Variants in DROSHA observed in about 807,000 individuals in gnomAD.
The protein encoded by DROSHA is drosha ribonuclease III, also known as ribonuclease 3.
In DROSHA, 56 loss-of-function variants were observed where a neutral mutation model predicts 181.9. That is an observed-to-expected ratio of 0.31 (90% CI 0.25 to 0.38). The LOEUF is 0.38. Among genes scored for constraint, DROSHA ranks in the 10% least tolerant of loss-of-function variants. DROSHA has a pLI of 1.00. For synonymous variants in DROSHA, 524 were observed against 591.2 expected (o/e 0.89, Z 1.65); for missense variants, 1,218 against 1,743.5 (o/e 0.70, Z 5.37).
At chr5:31,418,345 G>A (rs1392135642) in intron 30 of DROSHA, among the ~76,000 whole-genome samples, 6 of 152,068 alleles carry the variant, frequency 3.9e-5, no homozygotes, top group Non-Finnish European at 8.8e-5. Context: ...GAGTGCAGTG[G>A]TGCAACCACA....
intron 35 of DROSHA, among the ~76,000 whole-genome samples, chr5:31,403,930 T>C (rs1490473793): frequency 6.6e-6 from 1 of 152,184 alleles, no homozygotes; most frequent in Non-Finnish European, 1.5e-5. Flanking sequence ...TCTCATGGTA[T>C]AAACTTTTTT....
rs548896752 is a variant in DROSHA, at chr5:31,477,071, G to A, written c.2072-4839C>T. ...GTAAGCTAAGGTTAGCAGGAATTCC[G>A]CCAACTCTGGGACTGGAACTGTGAC... is the stretch of plus-strand genomic sequence containing the variant. On this transcript the variant is annotated intron_variant, in intron 16 of 35. Transcript: ENST00000344624. Among the ~76,000 whole-genome samples, 31 of 152,262 alleles carry A rather than the reference G, an allele frequency of 2.0e-4. 1 individual carries two copies. In the South Asian group the frequency reaches 5.0e-3, roughly 24 times the overall value.
At chr5:31,440,097 G>A (rs1013991387) in intron 23 of DROSHA, among the ~76,000 whole-genome samples, 11 of 151,852 alleles carry the variant, frequency 7.2e-5, no homozygotes, top group African/African-American at 2.4e-4. Flanking sequence ...AGTCCATGTT[G>A]ATCAACCTGC....
intron 16 of DROSHA, among the ~76,000 whole-genome samples, chr5:31,473,517 G>C (rs1749989145): frequency 6.6e-6 from 1 of 151,874 alleles, no homozygotes; most frequent in Admixed American, 6.6e-5. Context: ...CACCGTTCTA[G>C]GCCCTGAGAA....
At chr5:31,451,733 C>G (rs1747065708) in intron 20 of DROSHA, 93 bp from the exon 21 acceptor site, 1 of 1,018,184 alleles carries the variant, frequency 9.8e-7, no homozygotes, top group Admixed American at 2.2e-5. Context: ...TTTTCACATT[C>G]CAAATTCCAT....
Position 31,482,629 on chromosome 5 carries a change from G to A in DROSHA, c.2071+925C>T, listed in dbSNP as rs78876637. On this transcript the variant is annotated intron_variant, in intron 16 of 35. Coordinates refer to ENST00000344624, the MANE Select transcript of DROSHA (RefSeq NM_001382508.1). ...TATAGCTCAGGGTAGAATGGTAAGT[G>A]AAGTTCACCAGGCTGGTAACAGAAC... Among the ~76,000 whole-genome samples, 1,190 of 152,194 alleles carry A rather than the reference G, an allele frequency of 7.8e-3. 23 individuals carry two copies. The highest frequency in any genetic ancestry group is 0.027 in the African/African-American group (1,126 of 41,524).
At chr5:31,508,399 A>G (rs1284488040) in intron 10 of DROSHA, among the ~76,000 whole-genome samples, 1 of 152,160 alleles carries the variant, frequency 6.6e-6, no homozygotes. Context: ...CCTCTCCCCA[A>G]CATGGAATTT....
intron 35 of DROSHA, 61 bp downstream of exon 35, chr5:31,405,616 T>C: frequency 7.0e-7 from 1 of 1,424,146 alleles, no homozygotes; most frequent in Non-Finnish European, 9.5e-7. Context: ...CTTCCTCATT[T>C]CCTTTCCATA....
intron 13 of DROSHA, among the ~76,000 whole-genome samples, chr5:31,491,434 C>T (rs1405956969): frequency 6.6e-6 from 1 of 152,142 alleles, no homozygotes; most frequent in South Asian, 2.1e-4. Flanking sequence ...TAATTTTAAA[C>T]CCTGGTCTCT....
At chr5:31,521,850 G>T (rs1193522799) in intron 5 of DROSHA, among the ~76,000 whole-genome samples, 2 of 152,128 alleles carry the variant, frequency 1.3e-5, no homozygotes, top group Non-Finnish European at 1.5e-5. Flanking sequence ...TAAAACTGGG[G>T]TTTAATAATA....
chr5:31,464,366 G>A (rs1748769370), intron 19 of DROSHA, 23 bp from the exon 20 acceptor site: 2 of 1,602,972 alleles, frequency 1.2e-6, no homozygotes, highest in Admixed American at 1.7e-5. Flanking sequence ...TCATTATGAT[G>A]AGTAACACAA....
chr5:31,463,792 C>T (rs1748699182), intron 20 of DROSHA, among the ~76,000 whole-genome samples: 2 of 152,116 alleles, frequency 1.3e-5, no homozygotes, highest in South Asian at 4.1e-4. Flanking sequence ...TTCATTAATG[C>T]CTTCAGTTCT....
chr5:31,456,295 C>A (rs1747650523), intron 20 of DROSHA, among the ~76,000 whole-genome samples: 1 of 152,020 alleles, frequency 6.6e-6, no homozygotes, highest in Admixed American at 6.6e-5. Context: ...ATTAGTACAA[C>A]CATCAGAAAA....
intron 16 of DROSHA, among the ~76,000 whole-genome samples, chr5:31,472,810 T>C (rs1749885783): frequency 6.6e-6 from 1 of 152,148 alleles, no homozygotes; most frequent in Non-Finnish European, 1.5e-5. Flanking sequence ...ATGGAGTTAG[T>C]ACATGGAAAA....
At chr5:31,508,906 TC>T in intron 9 of DROSHA, 131 bp from the exon 10 acceptor site, 1 of 1,037,452 alleles carries the variant, frequency 9.6e-7, no homozygotes, top group Non-Finnish European at 1.3e-6. Flanking sequence ...CACTGCAAAC[TC>T]CACCTCCCGA....
rs1219515745 is a variant in DROSHA at position 31,435,870 on chromosome 5, A to G, written c.2943-6T>C. The G allele has an allele frequency of 6.4e-7, 1 of 1,554,672 alleles. No homozygotes were observed. Among genetic ancestry groups the G allele is most frequent in the South Asian group, 1.2e-5 (1 of 85,252 alleles). On this transcript the variant is annotated splice_region_variant and splice_polypyrimidine_tract_variant and intron_variant, in intron 24 of 35. Transcript: ENST00000344624. Reference sequence around the variant, plus strand: ...ACAAATAGTACAAATGGACGCTACAAAAAAAAAAAGAAGTACATGAATAAA... The same window carrying G: ...ACAAATAGTACAAATGGACGCTACAGAAAAAAAAAGAAGTACATGAATAAA...
At chr5:31,414,867 T>A (rs896122195) in intron 30 of DROSHA, among the ~76,000 whole-genome samples, 1 of 152,010 alleles carries the variant, frequency 6.6e-6, no homozygotes, top group South Asian at 2.1e-4. Flanking sequence ...TCAACAACTT[T>A]AAAAAAAATA....
At chr5:31,502,837 C>T (rs1460944837) in intron 11 of DROSHA, among the ~76,000 whole-genome samples, 1 of 152,226 alleles carries the variant, frequency 6.6e-6, no homozygotes, top group Admixed American at 6.5e-5. Flanking sequence ...GTGGGGAAAT[C>T]TCTCCCAGCG....
intron 35 of DROSHA, among the ~76,000 whole-genome samples, chr5:31,404,468 C>T (rs905441362): frequency 3.9e-5 from 6 of 152,148 alleles, no homozygotes; most frequent in Admixed American, 1.3e-4. Flanking sequence ...TGGCTGTTGG[C>T]CTGCTTGCCT....
Sources: allele counts gnomAD v4.1 joint callset (sites outside exome capture counted in the v4.1 genomes callset), GRCh38; gene constraint gnomAD v4.1.1; transcripts MANE v1.5; gene names NCBI Gene and HGNC (gene_info 2026-07-23, HGNC 2026-07-21).